The following GALNT13 variants were observed in gnomAD, a reference collection of about 807,000 sequenced individuals.
The protein encoded by GALNT13 is polypeptide N-acetylgalactosaminyltransferase 13, also known as UDP-GalNAc:polypeptide N-acetylgalactosaminyltransferase 13.
In GALNT13, 28 loss-of-function variants were observed where a neutral mutation model predicts 64.2. The observed-to-expected ratio is 0.44, with a 90% CI of 0.32 to 0.60. The LOEUF is 0.60. Among genes scored for constraint, GALNT13 ranks in the 20% least tolerant of loss-of-function variants. The probability of loss-of-function intolerance (pLI) is 0.05; values close to 1 mark genes in which losing one functional copy is unlikely to be tolerated. For synonymous variants in GALNT13, 214 were observed against 224.6 expected (o/e 0.95, Z 0.42); for missense variants, 577 against 669.8 (o/e 0.86, Z 1.53).
At chr2:153,156,452 G>A in the GALNT13 span, among the ~76,000 whole-genome samples, 10,964 of 152,126 alleles carry the variant, frequency 0.072, 463 homozygotes, top group Middle Eastern at 0.11. Context: ...CTTCCTGGGG[G>A]AAGTTGGATA....
chr2:153,072,747 T>C, the GALNT13 span, among the ~76,000 whole-genome samples: 1 of 152,222 alleles, frequency 6.6e-6, no homozygotes, highest in Non-Finnish European at 1.5e-5. Context: ...TCTCTGCACT[T>C]TGACTCTTGT....
the GALNT13 span, among the ~76,000 whole-genome samples, chr2:153,344,949 T>C: frequency 6.6e-6 from 1 of 152,128 alleles, no homozygotes; most frequent in Non-Finnish European, 1.5e-5. Context: ...CTTAAAAATC[T>C]AAAAGAGAGA....
chr2:154,362,489 A>T (rs799818), intron 9 of GALNT13, among the ~76,000 whole-genome samples: 9 of 151,902 alleles, frequency 5.9e-5, no homozygotes, highest in Non-Finnish European at 1.3e-4. Flanking sequence ...GCCAGTTTAA[A>T]CTATTGGTGG....
At chr2:153,347,367 C>T in the GALNT13 span, among the ~76,000 whole-genome samples, 2 of 152,166 alleles carry the variant, frequency 1.3e-5, no homozygotes, top group African/African-American at 4.8e-5. Flanking sequence ...ACTGAGGCTC[C>T]AAGTCTTTGG....
chr2:154,432,544 T>A (rs924204527), intron 11 of GALNT13, among the ~76,000 whole-genome samples: 5 of 152,198 alleles, frequency 3.3e-5, no homozygotes, highest in African/African-American at 1.2e-4. Context: ...TATTGTCTTA[T>A]AGTTCTGGAG....
the GALNT13 span, among the ~76,000 whole-genome samples, chr2:153,138,845 G>A: frequency 6.6e-6 from 1 of 151,984 alleles, no homozygotes; most frequent in African/African-American, 2.4e-5. Context: ...ACATGATTTT[G>A]CCACAATAGC....
At chr2:153,216,680 T>G in the GALNT13 span, among the ~76,000 whole-genome samples, 1 of 152,232 alleles carries the variant, frequency 6.6e-6, no homozygotes, top group Non-Finnish European at 1.5e-5. Flanking sequence ...TTGAGAGTTC[T>G]TTACATATTC....
chr2:153,626,503 T>C, the GALNT13 span, among the ~76,000 whole-genome samples: 1 of 152,152 alleles, frequency 6.6e-6, no homozygotes, highest in Admixed American at 6.6e-5. Context: ...TTTTCTCAAT[T>C]AAACATTTCT....
chr2:153,844,638 A>G, the GALNT13 span, among the ~76,000 whole-genome samples: 2 of 152,180 alleles, frequency 1.3e-5, no homozygotes, highest in African/African-American at 4.8e-5. Context: ...TATTCTTCTG[A>G]AAAAGCTTTT....
At chr2:153,095,043 C>T in the GALNT13 span, among the ~76,000 whole-genome samples, 1 of 152,080 alleles carries the variant, frequency 6.6e-6, no homozygotes, top group East Asian at 1.9e-4. Context: ...CAAATGGGAT[C>T]TAATTAAACT....
At chr2:154,157,994 C>T (rs1468725431) in intron 4 of GALNT13, among the ~76,000 whole-genome samples, 2 of 152,112 alleles carry the variant, frequency 1.3e-5, no homozygotes, top group African/African-American at 2.4e-5. Context: ...GTAGATATGT[C>T]CTAAGGGTAA....
chr2:153,244,638 C>A, the GALNT13 span, among the ~76,000 whole-genome samples: 9 of 152,330 alleles, frequency 5.9e-5, no homozygotes, highest in Admixed American at 3.9e-4. Context: ...GTCTGGAGAT[C>A]AGGACTGGGG....
the GALNT13 span, among the ~76,000 whole-genome samples, chr2:153,333,446 TC>T: frequency 6.6e-6 from 1 of 152,194 alleles, no homozygotes. Context: ...ATCAATGGTG[TC>T]CTTCACAATT....
intron 4 of GALNT13, among the ~76,000 whole-genome samples, chr2:154,152,230 C>A (rs1684082140): frequency 6.6e-6 from 1 of 152,100 alleles, no homozygotes; most frequent in Admixed American, 6.5e-5. Context: ...GTTGAAAATT[C>A]TTTTCTTTAA....
the GALNT13 span, among the ~76,000 whole-genome samples, chr2:153,281,229 A>G: frequency 4.6e-5 from 7 of 151,162 alleles, no homozygotes; most frequent in Admixed American, 4.0e-4. Flanking sequence ...TGTTTGCATG[A>G]TGGATCTTTC....
At chr2:153,838,956 CT>C in the GALNT13 span, among the ~76,000 whole-genome samples, 2 of 151,606 alleles carry the variant, frequency 1.3e-5, no homozygotes, top group Non-Finnish European at 3.0e-5. Flanking sequence ...AATTTTTTAT[CT>C]TTTTTTCTAA....
At chr2:153,366,360 A>G in the GALNT13 span, among the ~76,000 whole-genome samples, 1 of 152,272 alleles carries the variant, frequency 6.6e-6, no homozygotes, top group African/African-American at 2.4e-5. Context: ...TTACCATGTA[A>G]CAAACCTGAA....
the GALNT13 span, among the ~76,000 whole-genome samples, chr2:153,487,844 A>T: frequency 6.6e-6 from 1 of 152,238 alleles, no homozygotes; most frequent in Non-Finnish European, 1.5e-5. Flanking sequence ...GGTCCAAATC[A>T]TGAGGGCTTT....
In GALNT13 at chr2:154,173,295, C is replaced by T. The variant is rs1185830509; in HGVS notation, c.311+32790C>T. 2.0e-5 allele frequency among the ~76,000 whole-genome samples: 3 copies of T among 151,632 alleles called. No individual in the cohort carries two copies. In the East Asian group the frequency reaches 5.8e-4, roughly 29 times the overall value. Reference sequence around the variant, plus strand: ...ACTGTAGAAGAATGAAACTAGACCCCAATTTCTCACTATACACAAAAAAAC... The same window carrying T: ...ACTGTAGAAGAATGAAACTAGACCCTAATTTCTCACTATACACAAAAAAAC... On this transcript the variant is annotated intron_variant, in intron 4 of 12. Transcript: ENST00000392825.
Sources: gnomAD v4.1 joint callset for allele counts (sites outside exome capture counted in the v4.1 genomes callset) on GRCh38, gnomAD v4.1.1 for gene constraint, MANE v1.5 for transcripts, NCBI Gene and HGNC (gene_info 2026-07-23, HGNC 2026-07-21) for gene names.